The following DRC9 variants were observed in gnomAD, a reference collection of about 807,000 sequenced individuals.
DRC9 encodes dynein regulatory complex subunit 9.
At chr3:197,897,253 TAAAAC>T in the DRC9 span, among the ~76,000 whole-genome samples, 139 of 152,186 alleles carry the variant, frequency 9.1e-4, no homozygotes, top group Non-Finnish European at 1.6e-3. Flanking sequence ...CAAAAAGAGA[TAAAAC>T]AACCAGAGCA....
At chr3:197,907,760 G>A in the DRC9 span, among the ~76,000 whole-genome samples, 2 of 151,768 alleles carry the variant, frequency 1.3e-5, no homozygotes, top group African/African-American at 4.8e-5. Flanking sequence ...AGGGGTGACT[G>A]TACCAGGTCT....
chr3:197,891,692 T>G, the DRC9 span: 9 of 442,940 alleles, frequency 2.0e-5, no homozygotes, highest in Non-Finnish European at 3.6e-5. Context: ...AATAGATTCC[T>G]AGATGGTAAA....
At chr3:197,901,486 G>A in the DRC9 span, among the ~76,000 whole-genome samples, 1 of 152,192 alleles carries the variant, frequency 6.6e-6, no homozygotes, top group Non-Finnish European at 1.5e-5. This position sits in a 1 kb window ranked among gnomAD's most constrained non-coding sequence, Gnocchi z 4.4. Flanking sequence ...CTGGGCAAGA[G>A]GGTAGCCCAC....
At chr3:197,895,766 G>A in the DRC9 span, among the ~76,000 whole-genome samples, 1 of 151,844 alleles carries the variant, frequency 6.6e-6, no homozygotes, top group Non-Finnish European at 1.5e-5. Flanking sequence ...CTTGAGTCCA[G>A]GAGTTTGAGA....
the DRC9 span, among the ~76,000 whole-genome samples, chr3:197,905,589 A>C: frequency 5.8e-4 from 88 of 152,154 alleles, no homozygotes; most frequent in African/African-American, 2.0e-3. Flanking sequence ...CCACTAAAAA[A>C]AATACAAAAT....
the DRC9 span, among the ~76,000 whole-genome samples, chr3:197,941,224 CCCTT>C: frequency 7.0e-6 from 1 of 141,974 alleles, no homozygotes; most frequent in South Asian, 2.5e-4. Flanking sequence ...CTTCCTCCCT[CCCTT>C]CCCTTCCCTC....
chr3:197,936,411 C>G, the DRC9 span, among the ~76,000 whole-genome samples: 2 of 152,118 alleles, frequency 1.3e-5, no homozygotes, highest in African/African-American at 4.8e-5. Context: ...GTCACACACG[C>G]TGGAGTGCAG....
chr3:197,889,360 GA>G, the DRC9 span: 1 of 573,796 alleles, frequency 1.7e-6, no homozygotes. Flanking sequence ...AAGGTATGAG[GA>G]AGCCCTAAGT....
At chr3:197,926,163 C>A in the DRC9 span, 1 of 909,096 alleles carries the variant, frequency 1.1e-6, no homozygotes, top group Non-Finnish European at 1.8e-6. Context: ...CTTACGTGCA[C>A]AAGGACCACC....
the DRC9 span, chr3:197,912,691 A>C: frequency 6.2e-7 from 1 of 1,613,638 alleles, no homozygotes; most frequent in Non-Finnish European, 8.5e-7. Flanking sequence ...CTCCTTTCTA[A>C]GGAACATTTC....
the DRC9 span, chr3:197,958,682 T>G: frequency 6.6e-6 from 1 of 152,360 alleles, no homozygotes; most frequent in Non-Finnish European, 1.5e-5. Context: ...AGACTTTAAC[T>G]CGAGTAACTT....
At chr3:197,909,708 C>G in the DRC9 span, among the ~76,000 whole-genome samples, 16 of 152,290 alleles carry the variant, frequency 1.1e-4, no homozygotes, top group East Asian at 2.9e-3. Flanking sequence ...GAAACAAATA[C>G]TAGGCCGGGT....
chr3:197,953,143 C>T, the DRC9 span, among the ~76,000 whole-genome samples: 2 of 152,246 alleles, frequency 1.3e-5, no homozygotes, highest in Non-Finnish European at 2.9e-5. Context: ...TCTTCACCCA[C>T]TCCAAGCCAA....
the DRC9 span, chr3:197,938,972 C>T: frequency 1.7e-6 from 1 of 580,830 alleles, no homozygotes; most frequent in Non-Finnish European, 3.1e-6. Flanking sequence ...TTCTTCTTCT[C>T]CGTCATTCCC....
chr3:197,903,508 C>A, the DRC9 span, among the ~76,000 whole-genome samples: 1 of 152,080 alleles, frequency 6.6e-6, no homozygotes, highest in Non-Finnish European at 1.5e-5. Flanking sequence ...TGGCAGTGCA[C>A]TCCTGTAGTC....
chr3:197,901,984 G>T, the DRC9 span, among the ~76,000 whole-genome samples: 1 of 152,176 alleles, frequency 6.6e-6, no homozygotes. This position sits in a 1 kb window ranked among gnomAD's most constrained non-coding sequence, Gnocchi z 4.4. Flanking sequence ...GGTCACCAGG[G>T]GGCTTGTGTC....
the DRC9 span, among the ~76,000 whole-genome samples, chr3:197,953,034 C>T: frequency 2.6e-5 from 4 of 151,116 alleles, no homozygotes; most frequent in African/African-American, 7.3e-5. Context: ...CTCCTGACCT[C>T]GTGATCCACC....
the DRC9 span, chr3:197,950,526 C>G: frequency 9.6e-6 from 3 of 312,354 alleles, no homozygotes; most frequent in South Asian, 6.5e-5. Flanking sequence ...TCCTCCCAGT[C>G]CATACCTTCC....
chr3:197,944,037 T>C, the DRC9 span: 1 of 1,613,172 alleles, frequency 6.2e-7, no homozygotes, highest in Non-Finnish European at 8.5e-7. Context: ...AAGGTTTGAG[T>C]CTTCCAGGCT....
Sources: gnomAD v4.1 joint callset for allele counts (sites outside exome capture counted in the v4.1 genomes callset) on GRCh38, gnomAD v4.1.1 for gene constraint, Gnocchi (gnomAD v3.1) non-coding constraint, MANE v1.5 for transcripts, NCBI Gene and HGNC (gene_info 2026-07-23, HGNC 2026-07-21) for gene names.